The following DAAM1 variants were observed in gnomAD, a reference collection of about 807,000 sequenced individuals.
DAAM1 encodes dishevelled associated activator of morphogenesis 1.
DAAM1 carries 52 observed loss-of-function variants against 130.0 expected under a neutral mutation model. The observed-to-expected ratio is 0.40, with a 90% confidence interval of 0.32 to 0.50. The LOEUF is 0.50. DAAM1 is among the 20% of genes least tolerant of loss of function. The pLI is 0.61. For synonymous variants in DAAM1, 452 were observed against 444.5 expected (o/e 1.02, Z -0.21); for missense variants, 1,134 against 1,303.8 (o/e 0.87, Z 2.01).
intron 1 of DAAM1, among the ~76,000 whole-genome samples, chr14:59,247,174 C>G (rs2139474389): frequency 6.6e-6 from 1 of 152,226 alleles, no homozygotes; most frequent in East Asian, 1.9e-4. Context: ...GGTCTAGTCT[C>G]CCTTGTCAAA....
chr14:59,245,584 T>A (rs1168229769), intron 1 of DAAM1, among the ~76,000 whole-genome samples: 2 of 152,104 alleles, frequency 1.3e-5, no homozygotes, highest in Admixed American at 1.3e-4. Flanking sequence ...TAATATCTAC[T>A]TCTGTAGCAA....
At chr14:59,354,333 T>A (rs1321226050) in intron 19 of DAAM1, among the ~76,000 whole-genome samples, 2 of 152,226 alleles carry the variant, frequency 1.3e-5, no homozygotes, top group Non-Finnish European at 2.9e-5. Flanking sequence ...GTGCTGGGAT[T>A]ACAGGCGTGA....
At chr14:59,348,970 T>A (rs1216059388) in intron 17 of DAAM1, among the ~76,000 whole-genome samples, 5 of 152,240 alleles carry the variant, frequency 3.3e-5, no homozygotes, top group Non-Finnish European at 7.3e-5. Context: ...AATGATTATG[T>A]TCTCAAGTCT....
chr14:59,256,981 G>C (rs570234557), intron 1 of DAAM1, among the ~76,000 whole-genome samples: 1 of 152,314 alleles, frequency 6.6e-6, no homozygotes, highest in South Asian at 2.1e-4. Flanking sequence ...CTTTTCAATG[G>C]CACTTACTTG....
Position 59,326,667 on chromosome 14 carries a change from T to C in DAAM1, c.1313+19T>C. The C allele has an allele frequency of 6.2e-7, 1 of 1,608,220 alleles. No homozygotes were observed. The highest frequency in any genetic ancestry group is 8.5e-7 in the Non-Finnish European group (1 of 1,177,946). On this transcript the variant is annotated intron_variant, in intron 11 of 24. Transcript: ENST00000360909. ...TACGAATGTAAGTCTCTTCTTATTC[T>C]GCTGCTGTGAGATAATGGTGACAAT...
At chr14:59,262,052 CTT>C (rs761447091) in intron 1 of DAAM1, among the ~76,000 whole-genome samples, 1 of 147,442 alleles carries the variant, frequency 6.8e-6, no homozygotes, top group Non-Finnish European at 1.5e-5. Context: ...CTCATCCCAC[CTT>C]TTTTTTTTTC....
intron 1 of DAAM1, among the ~76,000 whole-genome samples, chr14:59,245,786 G>T (rs1194075784): frequency 1.3e-5 from 2 of 152,162 alleles, no homozygotes; most frequent in African/African-American, 4.8e-5. Flanking sequence ...GAAAGTCATT[G>T]CTCATATTAG....
chr14:59,263,622 C>T lies in DAAM1; in HGVS notation c.145C>T (p.Pro49Ser), dbSNP rs1193780289. Residue 49 changes from proline to serine, a missense_variant, in exon 2 of 25, where the codon CCT (proline) becomes TCT (serine). Pro to Ser is a moderately conservative substitution (Grantham distance 74). Around this residue, in one of 3 missense-constraint regions of DAAM1, gnomAD observed 99 missense variants for 86.4 expected, o/e 1.15. Transcript: ENST00000360909. ...CATGGAACCAGCATTGCCCATGCCCCCTGTGGAGGAGCTGGATGTCATGTT... is the reference window on the plus strand; with the variant it reads ...CATGGAACCAGCATTGCCCATGCCCTCTGTGGAGGAGCTGGATGTCATGTT... ...QTMEPALPMP[P>S]VEELDVMFSE... The T allele has an allele frequency of 1.4e-5, 22 of 1,614,176 alleles. No individual in the cohort carries two copies. Among genetic ancestry groups the T allele is most frequent in the Non-Finnish European group, 1.8e-5 (21 of 1,180,026 alleles).
intron 15 of DAAM1, among the ~76,000 whole-genome samples, chr14:59,336,024 T>G (rs75426665): frequency 2.1e-5 from 3 of 142,328 alleles, no homozygotes; most frequent in African/African-American, 7.9e-5. Flanking sequence ...AGTGGTGTTG[T>G]TTTTTTTTTT....
At chr14:59,358,977 T>C (rs1388014234) in intron 20 of DAAM1, among the ~76,000 whole-genome samples, 1 of 152,160 alleles carries the variant, frequency 6.6e-6, no homozygotes, top group East Asian at 1.9e-4. Context: ...CCAAGCCTAC[T>C]AGTTATAAAC....
intron 2 of DAAM1, among the ~76,000 whole-genome samples, chr14:59,274,211 G>C (rs1355073253): frequency 6.6e-6 from 1 of 152,080 alleles, no homozygotes; most frequent in East Asian, 1.9e-4. Flanking sequence ...AGATCCAAAA[G>C]CAGCTAGCTG....
chr14:59,233,935 G>T (rs1043352026), intron 1 of DAAM1, among the ~76,000 whole-genome samples: 4 of 152,030 alleles, frequency 2.6e-5, no homozygotes, highest in Non-Finnish European at 4.4e-5. Context: ...AAGATCAGAT[G>T]GTTGTAGATG....
intron 15 of DAAM1, among the ~76,000 whole-genome samples, chr14:59,339,534 A>G (rs536894387): frequency 3.9e-5 from 6 of 151,998 alleles, no homozygotes; most frequent in African/African-American, 7.3e-5. Context: ...GCCCCTTCCC[A>G]TTGTCCATCA....
At chr14:59,255,838 G>C (rs1881856683) in intron 1 of DAAM1, among the ~76,000 whole-genome samples, 1 of 152,144 alleles carries the variant, frequency 6.6e-6, no homozygotes, top group Non-Finnish European at 1.5e-5. Flanking sequence ...GTCAAATGCT[G>C]TCTATCTTGA....
chr14:59,322,911 G>A lies in DAAM1; in HGVS notation c.460G>A (p.Asp154Asn), dbSNP rs372804956. The A allele has an allele frequency of 1.9e-5, 30 of 1,610,734 alleles. No homozygotes were observed. The highest frequency in any genetic ancestry group is 3.3e-5 in the Admixed American group (2 of 59,858). ...TGACAGGTTTGTAACCAGATTCATCGACTTGGATGGCCTATCATGTATCCT... is the reference window on the plus strand; with the variant it reads ...TGACAGGTTTGTAACCAGATTCATCAACTTGGATGGCCTATCATGTATCCT... Reference protein sequence around the residue: ...KPMRFVTRFIDLDGLSCILNF... With the variant: ...KPMRFVTRFINLDGLSCILNF... The change falls in exon 6 of 25, where the codon GAC becomes AAC. Residue 154 changes from aspartate (D) to asparagine (N), a missense_variant. By Grantham distance (23) the Asp-to-Asn change is conservative. Around this residue, in one of 3 missense-constraint regions of DAAM1, gnomAD observed 391 missense variants for 521.6 expected, o/e 0.75. Transcript: ENST00000360909.
rs144901947 is a variant in DAAM1, at chr14:59,367,836, A to C, written c.2997+237A>C. Among the ~76,000 whole-genome samples, 82 of 152,348 alleles carry C rather than the reference A, an allele frequency of 5.4e-4. 1 individual carries two copies. The East Asian group carries it at 0.014, about 27-fold the overall frequency. On this transcript the variant is annotated intron_variant, in intron 24 of 24. Transcript: ENST00000360909. ...TTGCTCTGGAATTCCATTTCTTAGC[A>C]ATTATTTTAAAGAAATAATCATAAA...
At position 59,355,372 on chromosome 14, in the gene DAAM1, G is replaced by A. The variant is rs910104194; in HGVS notation, c.2525+39G>A. 2.5e-6 allele frequency: 4 copies of A among 1,610,510 alleles called. No homozygotes were observed. The African/African-American group carries it at 4.0e-5, about 16-fold the overall frequency. ...CTTCCAACACTTGGGGGAGCCAGGT[G>A]TGTAGGTCCAGGCTCAGATTTATGC... On this transcript the variant is annotated intron_variant, in intron 20 of 24. Coordinates refer to ENST00000360909, the MANE Select transcript of DAAM1 (RefSeq NM_001270520.2).
At chr14:59,321,487 C>T (rs1053787988) in intron 5 of DAAM1, among the ~76,000 whole-genome samples, 5 of 152,190 alleles carry the variant, frequency 3.3e-5, no homozygotes, top group Admixed American at 3.3e-4. Context: ...GATGGGTACA[C>T]TTTCTGGCAA....
At chr14:59,213,989 T>C (rs1008675399) in intron 1 of DAAM1, among the ~76,000 whole-genome samples, 5 of 152,222 alleles carry the variant, frequency 3.3e-5, no homozygotes, top group Non-Finnish European at 5.9e-5. Context: ...TTAAATCAAC[T>C]TGCTACCAAG....
Sources: allele counts gnomAD v4.1 joint callset (sites outside exome capture counted in the v4.1 genomes callset), GRCh38; gene constraint gnomAD v4.1.1; regional missense constraint gnomAD v4.1.1; transcripts MANE v1.5; gene names NCBI Gene and HGNC (gene_info 2026-07-23, HGNC 2026-07-21).